The following ABI2 variants were observed in gnomAD, a reference collection of about 807,000 sequenced individuals.
ABI2 encodes the protein abl interactor 2, also known as abelson interactor 2.
A neutral mutation model predicts 59.2 loss-of-function variants in ABI2; 25 were observed. The ratio of observed to expected loss-of-function variants is 0.42; its 90% confidence interval spans 0.31 to 0.59. The LOEUF is 0.59. Ranked by LOEUF, ABI2 falls within the 20% of genes least tolerant of loss-of-function variation. ABI2 has a pLI of 0.14. For missense variants in ABI2, 545 were observed against 681.8 expected, an observed-to-expected ratio of 0.80 and a Z score of 2.23; for synonymous variants, 213 against 235.5, an observed-to-expected ratio of 0.90 and a Z score of 0.87.
chr2:203,362,739 C>T (rs1183468164), intron 1 of ABI2, among the ~76,000 whole-genome samples: 1 of 151,810 alleles, frequency 6.6e-6, no homozygotes, highest in East Asian at 1.9e-4. Flanking sequence ...GTCGGGCAGG[C>T]CGGTCTTGAA....
chr2:203,421,443 C>A (rs556047567), intron 11 of ABI2, among the ~76,000 whole-genome samples: 18 of 152,252 alleles, frequency 1.2e-4, no homozygotes, highest in African/African-American at 4.3e-4. Context: ...GGAATAAGAG[C>A]CACCTGATTT....
chr2:203,363,578 T>C (rs9967674), intron 1 of ABI2, among the ~76,000 whole-genome samples: 5,695 of 152,064 alleles, frequency 0.037, 346 homozygotes, highest in African/African-American at 0.13. Flanking sequence ...ACTCTCTATT[T>C]CTGTGAGTTC....
chr2:203,373,204 C>T (rs899996802), intron 2 of ABI2, among the ~76,000 whole-genome samples: 3 of 152,128 alleles, frequency 2.0e-5, no homozygotes, highest in African/African-American at 7.2e-5. Flanking sequence ...ACTCTGTCTG[C>T]AATCCCGGCA....
intron 1 of ABI2, chr2:203,351,727 C>T (rs528478327): frequency 2.6e-5 from 8 of 311,816 alleles, no homozygotes; most frequent in African/African-American, 1.6e-4. Flanking sequence ...GTAGAGCCAG[C>T]ATCTCACTTC....
At position 203,395,448 on chromosome 2, in the gene ABI2, T is replaced by TACACACACACACAC. The variant is rs59156204; in HGVS notation, c.726-184_726-171dup. ...TAATAAGTAAATATATATATATATA[T>TACACACACACACAC]ACACACACACACACACACACACACA... On this transcript the variant is annotated intron_variant, in intron 6 of 11. Transcript: ENST00000261018. Among the ~76,000 whole-genome samples the TACACACACACACAC allele has an allele frequency of 1.2e-3, 139 of 115,316 alleles. 1 individual carries two copies. Among genetic ancestry groups the TACACACACACACAC allele is most frequent in the African/African-American group, 3.6e-3 (118 of 33,176 alleles). The allele number at this position is 115,316 out of a possible 152,430, so 75.7% of individuals were successfully genotyped here. A position where few individuals can be genotyped will look rare whatever the true frequency, so the allele number is the denominator to read the frequency against.
rs371002169 is a variant in ABI2 at position 203,410,125 on chromosome 2, G to GT, written c.1193-1158dup. On this transcript the variant is annotated intron_variant, in intron 9 of 11. Transcript: ENST00000261018. ...TTCTCAACCCCTGTCAGCTTGGCAG[G>GT]TTCCCTTCTTCAAGTCCCTGCTGAG... Among the ~76,000 whole-genome samples, 397 of 152,260 alleles carry GT rather than the reference G, an allele frequency of 2.6e-3. 1 individual carries two copies. Among genetic ancestry groups the GT allele is most frequent in the Middle Eastern group, 0.014 (4 of 294 alleles).
intron 1 of ABI2, among the ~76,000 whole-genome samples, chr2:203,351,978 A>C (rs1313590519): frequency 1.3e-5 from 2 of 152,186 alleles, no homozygotes; most frequent in African/African-American, 4.8e-5. Context: ...AGCCGTCCTA[A>C]TGTTGTAGCA....
At chr2:203,356,293 C>T (rs1384892640) in intron 1 of ABI2, among the ~76,000 whole-genome samples, 2 of 152,114 alleles carry the variant, frequency 1.3e-5, no homozygotes, top group Non-Finnish European at 2.9e-5. Context: ...GATCTCATGT[C>T]TTAGCCTCCC....
Position 203,430,315 on chromosome 2 carries a change from GA to G in ABI2, c.*2964del, listed in dbSNP as rs1174671653. 6.6e-6 allele frequency: 1 copy of G among 152,076 alleles called. No individual in the cohort carries two copies. Among genetic ancestry groups the G allele is most frequent in the Non-Finnish European group, 1.5e-5 (1 of 68,028 alleles). 9.4% of individuals were successfully genotyped at this position (152,076 alleles called of 1,614,324 possible). On this transcript the variant is annotated 3_prime_UTR_variant, in exon 12 of 12. Transcript: ENST00000261018. ...AACAGACGATCCAAGTCCAAAATCT[GA>G]CCAATAAAGCAACCATTTTATCAAG...
rs1173207791 is a variant in ABI2, at chr2:203,429,060, C to T, written c.*1708C>T. On this transcript the variant is annotated 3_prime_UTR_variant, in exon 12 of 12. Transcript: ENST00000261018. ...TCATCAGCATTTAACTGAGACCCCACTATAGAGTTTCCTTATCAAGACTTT... is the reference window on the plus strand; with the variant it reads ...TCATCAGCATTTAACTGAGACCCCATTATAGAGTTTCCTTATCAAGACTTT... The T allele has an allele frequency of 1.3e-5, 2 of 152,228 alleles. No homozygotes were observed. The highest frequency in any genetic ancestry group is 2.9e-5 in the Non-Finnish European group (2 of 68,042). The allele number at this position is 152,228 out of a possible 1,614,324, so 9.4% of individuals were successfully genotyped here. A position where few individuals can be genotyped will look rare whatever the true frequency, so the allele number is the denominator to read the frequency against.
At chr2:203,365,622 CTTTTTTTTTTTTTT>C (rs71007507) in intron 1 of ABI2, among the ~76,000 whole-genome samples, 1 of 63,908 alleles carries the variant, frequency 1.6e-5, no homozygotes, top group African/African-American at 6.0e-5. Flanking sequence ...GGGCTGTTAT[CTTTTTTTTTTTTTT>C]TTTTTTTTTT....
chr2:203,395,263 AAG>A (rs1406965776), intron 6 of ABI2, among the ~76,000 whole-genome samples: 1 of 152,170 alleles, frequency 6.6e-6, no homozygotes, highest in Non-Finnish European at 1.5e-5. Context: ...TTTATTATAA[AAG>A]AAGTTTCTTC....
At chr2:203,377,161 T>C (rs1475267124) in intron 2 of ABI2, among the ~76,000 whole-genome samples, 1 of 151,950 alleles carries the variant, frequency 6.6e-6, no homozygotes, top group Non-Finnish European at 1.5e-5. Context: ...CTACAAAAAA[T>C]AAAATTAGCT....
At chr2:203,418,498 G>C (rs1447371821) in intron 11 of ABI2, among the ~76,000 whole-genome samples, 1 of 152,214 alleles carries the variant, frequency 6.6e-6, no homozygotes, top group Admixed American at 6.5e-5. Flanking sequence ...TGACGGCCTC[G>C]GCTTCTTCAT....
chr2:203,373,680 C>T (rs1049159062), intron 2 of ABI2, among the ~76,000 whole-genome samples: 3 of 152,096 alleles, frequency 2.0e-5, no homozygotes, highest in African/African-American at 7.2e-5. Context: ...AGTGCTCTTC[C>T]CACCTTCCCA....
Position 203,334,041 on chromosome 2 carries a change from A to G in ABI2, c.117+5410A>G, listed in dbSNP as rs1435340449. Among the ~76,000 whole-genome samples, 3 of 151,722 alleles carry G rather than the reference A, an allele frequency of 2.0e-5. No individual in the cohort carries two copies. In the East Asian group the frequency reaches 5.8e-4, roughly 29 times the overall value. On this transcript the variant is annotated intron_variant, in intron 1 of 11. Transcript: ENST00000261018. ...CTACAACCTCCGGCTCCTGGGTTCA[A>G]GCAATTCTCCTGCTTCAGCCTCCTG... is the stretch of plus-strand genomic sequence containing the variant.
chr2:203,386,825 G>C (rs1578509440), intron 4 of ABI2, among the ~76,000 whole-genome samples: 1 of 151,830 alleles, frequency 6.6e-6, no homozygotes, highest in East Asian at 1.9e-4. Context: ...TTTTAGTAGA[G>C]ACAGGGTTTT....
chr2:203,371,067 T>C (rs1156439565), intron 2 of ABI2, among the ~76,000 whole-genome samples: 1 of 152,206 alleles, frequency 6.6e-6, no homozygotes, highest in Non-Finnish European at 1.5e-5. Flanking sequence ...TCTTTGAACT[T>C]AGGTTTTTTC....
At chr2:203,333,720 A>G (rs924123679) in intron 1 of ABI2, among the ~76,000 whole-genome samples, 1 of 152,180 alleles carries the variant, frequency 6.6e-6, no homozygotes, top group African/African-American at 2.4e-5. Flanking sequence ...AGGCTAATTT[A>G]TATTTGAGCC....
Sources: gnomAD v4.1 joint callset for allele counts (sites outside exome capture counted in the v4.1 genomes callset) on GRCh38, gnomAD v4.1.1 for gene constraint, MANE v1.5 for transcripts, NCBI Gene and HGNC (gene_info 2026-07-23, HGNC 2026-07-21) for gene names.